RWDD3: variants seen among roughly 807,000 people sequenced by gnomAD.
RWDD3 encodes RWD domain-containing protein 3.
RWDD3 carries 30 observed loss-of-function variants against 26.5 expected under a neutral mutation model. The ratio of observed to expected loss-of-function variants is 1.13; its 90% CI spans 0.85 to 1.54. The LOEUF (loss-of-function observed/expected upper bound fraction) is 1.54. Among genes scored for constraint, RWDD3 ranks in the 40% most tolerant of loss-of-function variants. The probability of loss-of-function intolerance (pLI) is 0.00; values close to 1 mark genes in which losing one functional copy is unlikely to be tolerated. For missense variants in RWDD3, 296 were observed against 309.1 expected, an observed-to-expected ratio of 0.96 and a Z score of 0.32; for synonymous variants, 113 against 114.5, an observed-to-expected ratio of 0.99 and a Z score of 0.09.
intron 1 of RWDD3, among the ~76,000 whole-genome samples, chr1:95,241,581 A>T (rs547583221): frequency 5.3e-5 from 8 of 152,210 alleles, no homozygotes; most frequent in Non-Finnish European, 1.2e-4. Context: ...GCTGTCGGTT[A>T]TGCAAAAGTC....
At position 95,244,361 on chromosome 1, in the gene RWDD3, A is replaced by G. The variant is rs559060772; in HGVS notation, c.236A>G (p.Gln79Arg). 9.3e-6 allele frequency: 15 copies of G among 1,614,184 alleles called. No homozygotes were observed. Among genetic ancestry groups the G allele is most frequent in the African/African-American group, 5.3e-5 (4 of 75,042 alleles). The change falls in exon 2 of 4, where the codon CAG becomes CGG. Residue 79 changes from glutamine (Q) to arginine (R), a missense_variant. By Grantham distance (43) the Gln-to-Arg change is conservative (BLOSUM62 1). Transcript: ENST00000370202. Reference protein sequence around the residue: ...SINSEQLTRAQCVTVKENLLE... With the variant: ...SINSEQLTRARCVTVKENLLE... ...AACTCTGAACAGTTGACCAGGGCCC[A>G]GTGTGTGACTGTGAAAGAGAATTTA... is the stretch of plus-strand genomic sequence containing the variant.
chr1:95,244,124 GA>G (rs1466230016), intron 1 of RWDD3, 86 bp from the exon 2 acceptor site: 2 of 1,514,818 alleles, frequency 1.3e-6, no homozygotes, highest in Admixed American at 4.3e-5. Flanking sequence ...AAAATAAATT[GA>G]CATTTGAGAC....
chr1:95,234,371 T>A lies in RWDD3; in HGVS notation c.85+56T>A, dbSNP rs1033041188. On this transcript the variant is annotated intron_variant, in intron 1 of 3. Coordinates refer to ENST00000370202, the MANE Select transcript of RWDD3 (RefSeq NM_015485.5). ...GCCCTCAGGGGCCACCCGCGTTCGC[T>A]TTGCGTCTCCTCCCCACCACGGAGC... is the stretch of plus-strand genomic sequence containing the variant. 2.7e-6 allele frequency: 4 copies of A among 1,497,174 alleles called. No homozygotes were observed. The African/African-American group carries it at 5.6e-5, about 21-fold the overall frequency. 92.7% of individuals were successfully genotyped at this position (1,497,174 alleles called of 1,614,324 possible). A position where few individuals can be genotyped will look rare whatever the true frequency, so the allele number is the denominator to read the frequency against.
chr1:95,238,537 T>A (rs892255311), intron 1 of RWDD3, among the ~76,000 whole-genome samples: 23 of 151,920 alleles, frequency 1.5e-4, no homozygotes, highest in African/African-American at 5.6e-4. Flanking sequence ...GACAGTCTTG[T>A]CTTACCAAGT....
chr1:95,246,539 T>C lies in RWDD3; in HGVS notation c.574-3T>C. 1 of 1,522,400 alleles carries C rather than the reference T, an allele frequency of 6.6e-7. No homozygotes were observed. The highest frequency in any genetic ancestry group is 9.1e-7 in the Non-Finnish European group (1 of 1,099,736). 94.3% of individuals were successfully genotyped at this position (1,522,400 alleles called of 1,614,324 possible). A position where few individuals can be genotyped will look rare whatever the true frequency, so the allele number is the denominator to read the frequency against. On this transcript the variant is annotated splice_polypyrimidine_tract_variant and splice_region_variant and intron_variant, in intron 2 of 3. Coordinates refer to ENST00000370202, the MANE Select transcript of RWDD3 (RefSeq NM_015485.5). ...GTATTTAATGTACTGATTTATTATT[T>C]AGGAGTACTTGATTCTTCAGAAAAC...
At chr1:95,241,868 C>T (rs1006038486) in intron 1 of RWDD3, among the ~76,000 whole-genome samples, 4 of 152,192 alleles carry the variant, frequency 2.6e-5, no homozygotes. Context: ...CCTCCCCACC[C>T]CCCCCAGGGG....
chr1:95,236,251 G>A (rs1455922127), intron 1 of RWDD3, among the ~76,000 whole-genome samples: 1 of 151,936 alleles, frequency 6.6e-6, no homozygotes, highest in African/African-American at 2.4e-5. Flanking sequence ...ACTTGAACCC[G>A]GGAGGCGGAG....
intron 1 of RWDD3, chr1:95,237,399 C>G (rs915060445): frequency 6.6e-6 from 1 of 152,186 alleles, no homozygotes; most frequent in African/African-American, 2.4e-5. Flanking sequence ...GAATTGCATT[C>G]CTGGTAACAA....
chr1:95,237,076 G>T (rs528561792), intron 1 of RWDD3, among the ~76,000 whole-genome samples: 1 of 152,138 alleles, frequency 6.6e-6, no homozygotes, highest in South Asian at 2.1e-4. Flanking sequence ...AGGACATTTT[G>T]TTGCTGAGAG....
Position 95,247,009 on chromosome 1 carries a change from A to T in RWDD3, c.*139A>T. 2.1e-6 allele frequency: 1 copy of T among 472,660 alleles called. No individual in the cohort carries two copies. The highest frequency in any genetic ancestry group is 3.8e-6 in the Non-Finnish European group (1 of 266,336). The allele number at this position is 472,660 out of a possible 1,614,324, so 29.3% of individuals were successfully genotyped here. Reference sequence around the variant, plus strand: ...GATAGGCATCATTCTAACTTCAGGAACAAAAGCCAGTTCTGTTTTATGAAA... The same window carrying T: ...GATAGGCATCATTCTAACTTCAGGATCAAAAGCCAGTTCTGTTTTATGAAA... On this transcript the variant is annotated 3_prime_UTR_variant, in exon 4 of 4. Transcript: ENST00000370202.
chr1:95,236,855 C>T (rs1643590872), intron 1 of RWDD3, among the ~76,000 whole-genome samples: 1 of 152,164 alleles, frequency 6.6e-6, no homozygotes, highest in Admixed American at 6.5e-5. Context: ...CATTAGTACA[C>T]AGCTGAGCAT....
chr1:95,243,238 T>G (rs1680707827), intron 1 of RWDD3: 2 of 152,200 alleles, frequency 1.3e-5, no homozygotes, highest in African/African-American at 4.8e-5. Flanking sequence ...GGAAACAATT[T>G]TAATGTTCTG....
intron 1 of RWDD3, among the ~76,000 whole-genome samples, chr1:95,237,159 C>T (rs1263726718): frequency 6.6e-6 from 1 of 150,668 alleles, no homozygotes; most frequent in Non-Finnish European, 1.5e-5. Flanking sequence ...AAGGTAAAGG[C>T]CTTTTTTTTT....
intron 2 of RWDD3, among the ~76,000 whole-genome samples, chr1:95,245,344 T>C (rs1226901647): frequency 6.6e-6 from 1 of 152,180 alleles, no homozygotes; most frequent in Admixed American, 6.5e-5. Flanking sequence ...CTGACCTGTT[T>C]TAGGTGGGAC....
chr1:95,240,619 G>A (rs760969003), intron 1 of RWDD3, among the ~76,000 whole-genome samples: 1 of 152,154 alleles, frequency 6.6e-6, no homozygotes, highest in Non-Finnish European at 1.5e-5. Context: ...AGTGAGGAGA[G>A]AGGAAGTCAG....
In RWDD3 at chr1:95,246,975, A is replaced by C. The variant is rs1440115281; in HGVS notation, c.*105A>C. 1.7e-6 allele frequency: 1 copy of C among 580,000 alleles called. No individual in the cohort carries two copies. Among genetic ancestry groups the C allele is most frequent in the Non-Finnish European group, 2.9e-6 (1 of 348,170 alleles). The allele number at this position is 580,000 out of a possible 1,614,324, so 35.9% of individuals were successfully genotyped here. ...AATAGTCAATTTTAAAGTTTCTCTG[A>C]AGCAAAATGATAGGCATCATTCTAA... On this transcript the variant is annotated 3_prime_UTR_variant, in exon 4 of 4. Transcript: ENST00000370202.
chr1:95,240,022 C>A, intron 1 of RWDD3: 1 of 965,870 alleles, frequency 1.0e-6, no homozygotes, highest in Non-Finnish European at 1.4e-6. Flanking sequence ...GGATACATTG[C>A]CTTCTTTTGT....
At chr1:95,245,427 A>G (rs1680814543) in intron 2 of RWDD3, among the ~76,000 whole-genome samples, 1 of 152,236 alleles carries the variant, frequency 6.6e-6, no homozygotes, top group Non-Finnish European at 1.5e-5. Context: ...ATACTTTCAG[A>G]TAGGTTAGGT....
At position 95,244,409 on chromosome 1, in the gene RWDD3, TGTCGGAGCCTATG is replaced by T; in HGVS notation, c.287_299del (p.Ser96PhefsTer42). ...TTACTTGAGCAAGCAGAGAGCCTTT[TGTCGGAGCCTATG>T]GTTCATGAGCTGGTTCTCTGGATTC... On this transcript the variant is annotated frameshift_variant, in exon 2 of 4. Transcript: ENST00000370202. LOFTEE classifies it high-confidence loss of function. The T allele has an allele frequency of 6.2e-7, 1 of 1,614,204 alleles. No individual in the cohort carries two copies. Among genetic ancestry groups the T allele is most frequent in the Non-Finnish European group, 8.5e-7 (1 of 1,180,038 alleles).
Sources: allele counts gnomAD v4.1 joint callset (sites outside exome capture counted in the v4.1 genomes callset), GRCh38; gene constraint gnomAD v4.1.1; transcripts MANE v1.5; gene names NCBI Gene and HGNC (gene_info 2026-07-23, HGNC 2026-07-21).